The following AK5 variants were observed in gnomAD, a reference collection of about 807,000 sequenced individuals.
AK5 encodes adenylate kinase 5, also known as adenylate kinase isoenzyme 5.
Under a neutral mutation model 69.5 loss-of-function variants are expected in AK5, and 27 were observed. The ratio of observed to expected loss-of-function variants is 0.39; its 90% CI spans 0.29 to 0.54. The LOEUF (loss-of-function observed/expected upper bound fraction) is 0.54. AK5 is among the 20% of genes least tolerant of loss of function. The probability of loss-of-function intolerance (pLI) is 0.71; values close to 1 mark genes in which losing one functional copy is unlikely to be tolerated. For missense variants in AK5, 531 were observed against 700.4 expected (o/e 0.76, Z 2.73); for synonymous variants, 260 against 244.4 (o/e 1.06, Z -0.60).
At chr1:77,440,572 C>T (rs959213854) in intron 8 of AK5, among the ~76,000 whole-genome samples, 2 of 152,040 alleles carry the variant, frequency 1.3e-5, no homozygotes, top group Non-Finnish European at 2.9e-5. Context: ...TTTTTTACAC[C>T]CTTTACAACA....
At chr1:77,557,824 C>G (rs1027352816) in intron 13 of AK5, among the ~76,000 whole-genome samples, 1 of 152,152 alleles carries the variant, frequency 6.6e-6, no homozygotes, top group African/African-American at 2.4e-5. Flanking sequence ...AGCTTCACTG[C>G]AGAATTGGGC....
At chr1:77,476,872 A>G (rs1054463663) in intron 8 of AK5, among the ~76,000 whole-genome samples, 6 of 151,586 alleles carry the variant, frequency 4.0e-5, no homozygotes, top group Non-Finnish European at 4.4e-5. Context: ...CATTTTCTAA[A>G]ATTGTTTAAT....
intron 6 of AK5, among the ~76,000 whole-genome samples, chr1:77,361,833 C>T (rs369663585): frequency 2.5e-4 from 38 of 152,276 alleles, no homozygotes; most frequent in African/African-American, 9.1e-4. Context: ...AAGACATCCT[C>T]ACCCCCGCCG....
At chr1:77,454,428 G>T (rs1653349166) in intron 8 of AK5, among the ~76,000 whole-genome samples, 1 of 152,062 alleles carries the variant, frequency 6.6e-6, no homozygotes, top group South Asian at 2.1e-4. Flanking sequence ...AAAAGAAAAA[G>T]ATATGGTTAC....
intron 8 of AK5, among the ~76,000 whole-genome samples, chr1:77,456,425 G>A (rs1653486029): frequency 6.6e-6 from 1 of 152,244 alleles, no homozygotes; most frequent in African/African-American, 2.4e-5. Flanking sequence ...TTAACAGCCT[G>A]TTCTGGTGTT....
chr1:77,417,058 T>C (rs1051883350), intron 7 of AK5, among the ~76,000 whole-genome samples: 4 of 152,158 alleles, frequency 2.6e-5, no homozygotes, highest in Non-Finnish European at 5.9e-5. Context: ...TCTCTATTCA[T>C]ACATTAAGTT....
At chr1:77,531,791 G>C (rs1255764781) in intron 12 of AK5, among the ~76,000 whole-genome samples, 4 of 151,204 alleles carry the variant, frequency 2.6e-5, no homozygotes, top group African/African-American at 9.7e-5. Context: ...GGGACTGGGC[G>C]CCGTGGAGCA....
chr1:77,339,926 A>G (rs1355164492), intron 5 of AK5, among the ~76,000 whole-genome samples: 1 of 152,070 alleles, frequency 6.6e-6, no homozygotes, highest in Non-Finnish European at 1.5e-5. Context: ...AGCCAGCAAT[A>G]TCTTAAGGAA....
At chr1:77,345,541 G>A (rs1224528761) in intron 6 of AK5, among the ~76,000 whole-genome samples, 2 of 152,110 alleles carry the variant, frequency 1.3e-5, no homozygotes, top group African/African-American at 4.8e-5. Context: ...TTTACGAAGT[G>A]AAGGCATTAG....
intron 6 of AK5, among the ~76,000 whole-genome samples, chr1:77,382,110 T>G (rs187873755): frequency 1.5e-4 from 23 of 152,302 alleles, no homozygotes; most frequent in African/African-American, 5.5e-4. Flanking sequence ...AGACATTCTT[T>G]TCATTAAGAA....
chr1:77,400,833 A>G (rs1649163571), intron 6 of AK5, among the ~76,000 whole-genome samples: 1 of 151,496 alleles, frequency 6.6e-6, no homozygotes, highest in Non-Finnish European at 1.5e-5. Flanking sequence ...TTACTCAGAT[A>G]TACACAGCCT....
chr1:77,508,777 G>C (rs924368988), intron 10 of AK5, among the ~76,000 whole-genome samples: 1 of 151,342 alleles, frequency 6.6e-6, no homozygotes, highest in Non-Finnish European at 1.5e-5. Flanking sequence ...TGAGGCAGGA[G>C]AATCACTTGA....
chr1:77,365,476 GGTCAGCAGTCCCCAACCT>G (rs2100448968), intron 6 of AK5, among the ~76,000 whole-genome samples: 1 of 152,292 alleles, frequency 6.6e-6, no homozygotes, highest in South Asian at 2.1e-4. Flanking sequence ...GTGTTCTGTA[GGTCAGCAGTCCCCAACCT>G]CTTTGGCACA....
intron 8 of AK5, among the ~76,000 whole-genome samples, chr1:77,418,674 G>A (rs866851992): frequency 2.8e-4 from 42 of 152,208 alleles, no homozygotes; most frequent in African/African-American, 9.2e-4. Flanking sequence ...ACTTTCTTCC[G>A]CCTCTCATCA....
intron 7 of AK5, among the ~76,000 whole-genome samples, chr1:77,416,284 G>T (rs185878385): frequency 1.3e-3 from 202 of 152,186 alleles, no homozygotes; most frequent in Middle Eastern, 3.4e-3. Context: ...TAATAGTATG[G>T]TGGGTAGTCT....
At position 77,340,406 on chromosome 1, in the gene AK5, G is replaced by A. The variant is rs755195626; in HGVS notation, c.729G>A (p.Leu243=). 1 of 1,613,964 alleles carries A rather than the reference G, an allele frequency of 6.2e-7. No homozygotes were observed. Among genetic ancestry groups the A allele is most frequent in the South Asian group, 1.1e-5 (1 of 91,066 alleles). ...GTACCCCCGATTTGGTGGTATTCCTGGCTTGTGCTAATCAGAGACTCAAAG... is the reference window on the plus strand; with the variant it reads ...GTACCCCCGATTTGGTGGTATTCCTAGCTTGTGCTAATCAGAGACTCAAAG... ...QICTPDLVVF[L]ACANQRLKER... Residue 243 remains leucine, a synonymous_variant, in exon 6 of 14, where the codon CTG becomes CTA. Transcript: ENST00000354567.
chr1:77,370,786 G>A (rs549995457), intron 6 of AK5, among the ~76,000 whole-genome samples: 2 of 152,296 alleles, frequency 1.3e-5, no homozygotes, highest in Admixed American at 6.5e-5. Context: ...CTGCCAAGCA[G>A]TGCCAGGCCA....
chr1:77,483,212 C>A lies in AK5; in HGVS notation c.1060-105C>A. 6 of 777,532 alleles carry A rather than the reference C, an allele frequency of 7.7e-6. No individual in the cohort carries two copies. In the South Asian group the frequency reaches 8.9e-5, roughly 11 times the overall value. The allele number at this position is 777,532 out of a possible 1,614,324, so 48.2% of individuals were successfully genotyped here. ...TCCCTCATAAAATTGTTTGGAGGTG[C>A]CTCCCTCTTACAGTTGTTAGGAAGT... On this transcript the variant is annotated intron_variant, in intron 8 of 13. Transcript: ENST00000354567.
intron 8 of AK5, among the ~76,000 whole-genome samples, chr1:77,435,493 T>G (rs369899839): frequency 8.6e-5 from 13 of 151,664 alleles, no homozygotes; most frequent in East Asian, 3.9e-4. Context: ...ATTAAAAATA[T>G]AAAAATTAGC....
Sources: gnomAD v4.1 joint callset for allele counts (sites outside exome capture counted in the v4.1 genomes callset) on GRCh38, gnomAD v4.1.1 for gene constraint, MANE v1.5 for transcripts, NCBI Gene and HGNC (gene_info 2026-07-23, HGNC 2026-07-21) for gene names.